Variants in RBBP7 observed in about 807,000 individuals in gnomAD.
RBBP7 encodes the protein histone-binding protein RBBP7.
RBBP7 carries 5 observed loss-of-function variants against 35.2 expected under a neutral mutation model. The ratio of observed to expected loss-of-function variants is 0.14; its 90% CI spans 0.07 to 0.30. RBBP7 has a LOEUF of 0.30. RBBP7 is among the 10% of genes least tolerant of loss of function. The probability of loss-of-function intolerance (pLI) is 1.00; values close to 1 mark genes in which losing one functional copy is unlikely to be tolerated. For missense variants in RBBP7, 155 were observed against 327.5 expected (o/e 0.47, Z 4.07); for synonymous variants, 140 against 118.7 (o/e 1.18, Z -1.17).
intron 9 of RBBP7, among the ~76,000 whole-genome samples, chrX:16,851,017 G>A (rs554328979): frequency 1.8e-5 from 2 of 109,529 alleles, no homozygotes; most frequent in Admixed American, 9.8e-5. Flanking sequence ...CCACCTCCTC[G>A]GGAAGCTGAG....
rs1371449521 is a variant in RBBP7 at position 16,852,570 on chromosome X, T to C, written c.944A>G (p.His315Arg). 1 of 1,207,134 alleles carries C rather than the reference T, an allele frequency of 8.3e-7. No individual in the cohort carries two copies. The highest frequency in any genetic ancestry group is 2.2e-5 in the Admixed American group (1 of 46,041). The change falls in exon 8 of 12, where the codon CAT (histidine) becomes CGT (arginine). Residue 315 changes from histidine (H) to arginine (R), a missense_variant. Physicochemically the swap from His to Arg is conservative, Grantham distance 29. Around this residue, in one of 3 missense-constraint regions of RBBP7, gnomAD observed 79 missense variants for 220.8 expected, o/e 0.36. Coordinates refer to ENST00000380087, the MANE Select transcript of RBBP7 (RefSeq NM_002893.4). ...ACATACCTGGAAAATTTCATCTTTA[T>C]GAGATTCGAAGGTATGGAGTTTTAA... ...LKLKLHTFES[H>R]KDEIFQVHWS...
chrX:16,869,952 C>T, intron 1 of RBBP7, 86 bp downstream of exon 1: 4 of 751,418 alleles, frequency 5.3e-6, no homozygotes, highest in Non-Finnish European at 6.3e-6. Flanking sequence ...CACGCCAATT[C>T]GCGCCTTTCG....
intron 2 of RBBP7, among the ~76,000 whole-genome samples, chrX:16,867,836 G>A (rs1401663835): frequency 9.5e-6 from 1 of 105,207 alleles, no homozygotes; most frequent in Admixed American, 1.0e-4. Flanking sequence ...ACGCTGCCAC[G>A]CCCGGTTTTT....
At chrX:16,864,502 G>A (rs1350441101) in intron 2 of RBBP7, among the ~76,000 whole-genome samples, 2 of 92,079 alleles carry the variant, frequency 2.2e-5, no homozygotes, top group African/African-American at 4.6e-5. Context: ...ACTCCAGCCT[G>A]GGCAACGAGT....
At chrX:16,864,542 A>AAAAAAAAAAAAAAAAAAAAAAAAAG (rs1569063331) in intron 2 of RBBP7, among the ~76,000 whole-genome samples, 5 of 40,723 alleles carry the variant, frequency 1.2e-4, no homozygotes, top group African/African-American at 5.3e-4. Flanking sequence ...AAAAAAAAAA[A>AAAAAAAAAAAAAAAAAAAAAAAAAG]AAAAAGAAAA....
chrX:16,857,684 A>G lies in RBBP7; in HGVS notation c.507T>C (p.Asp169=). Reference sequence around the variant, plus strand: ...CCTTCTGGTGACCTCTTAATCTGAGATCAGGATTACATTCTCCACTTGGGT... The same window carrying G: ...CCTTCTGGTGACCTCTTAATCTGAGGTCAGGATTACATTCTCCACTTGGGT... The part of the protein sequence containing the change: ...KPDPSGECNP[D]LRLRGHQKEG... The change falls in exon 5 of 12, where the codon GAT becomes GAC. Residue 169 remains aspartate (D), a synonymous_variant. Transcript: ENST00000380087. 2 of 1,198,268 alleles carry G rather than the reference A, an allele frequency of 1.7e-6. No homozygotes were observed. The highest frequency in any genetic ancestry group is 2.2e-6 in the Non-Finnish European group (2 of 891,810).
chrX:16,851,899 G>A, intron 9 of RBBP7, 147 bp downstream of exon 9: 1 of 438,152 alleles, frequency 2.3e-6, no homozygotes, highest in African/African-American at 2.4e-5. Context: ...CAGAACAAAG[G>A]CTCTTTAGGA....
chrX:16,869,439 G>A, intron 1 of RBBP7: 2 of 1,146,897 alleles, frequency 1.7e-6, no homozygotes, highest in East Asian at 3.3e-5. Flanking sequence ...ACACCATGTT[G>A]GGTAGTCAAT....
chrX:16,867,844 T>TC (rs1479864660), intron 2 of RBBP7, among the ~76,000 whole-genome samples: 38 of 107,553 alleles, frequency 3.5e-4, no homozygotes, highest in African/African-American at 1.3e-3. Context: ...ACGCCCGGTT[T>TC]TTTTTTTTTT....
chrX:16,855,502 C>CATGT (rs1480500323), intron 5 of RBBP7, among the ~76,000 whole-genome samples: 1 of 112,043 alleles, frequency 8.9e-6, no homozygotes, highest in African/African-American at 3.3e-5. Flanking sequence ...GAGAAAGGAA[C>CATGT]ATGTGGTGCT....
Position 16,858,734 on chromosome X carries a change from T to C in RBBP7, c.423A>G (p.Thr141=), listed in dbSNP as rs747840522. ...YMPQNPHIIA[T]KTPSSDVLVF... ...CCAACACATCAGAAGATGGTGTTTT[T>C]GTAGCAATGATGTGAGGATTCTGCG... The change falls in exon 4 of 12, where the codon ACA becomes ACG. Residue 141 remains threonine, a synonymous_variant. Coordinates refer to ENST00000380087, the MANE Select transcript of RBBP7 (RefSeq NM_002893.4). 4.8e-5 allele frequency: 58 copies of C among 1,210,111 alleles called. No individual in the cohort carries two copies. The highest frequency in any genetic ancestry group is 6.0e-5 in the Non-Finnish European group (54 of 895,387).
intron 1 of RBBP7, chrX:16,869,828 C>A (rs1369416504): frequency 5.3e-5 from 47 of 889,120 alleles, no homozygotes; most frequent in Non-Finnish European, 6.5e-5. Flanking sequence ...GCCCAGCCCT[C>A]GGCCCCGCGC....
intron 10 of RBBP7, 159 bp downstream of exon 10, chrX:16,849,085 G>T: frequency 2.6e-6 from 1 of 391,444 alleles, no homozygotes; most frequent in South Asian, 7.0e-5. Flanking sequence ...TACTATTTTT[G>T]ATAAATGTCA....
intron 9 of RBBP7, 51 bp downstream of exon 9, chrX:16,851,995 T>C: frequency 9.4e-7 from 1 of 1,061,471 alleles, no homozygotes; most frequent in Non-Finnish European, 1.3e-6. Flanking sequence ...ACTATGTAAC[T>C]TGCCAGATAG....
rs1371963765 is a variant in RBBP7, at chrX:16,870,131, C to G, written c.-78G>C. 17 of 1,020,003 alleles carry G rather than the reference C, an allele frequency of 1.7e-5. No homozygotes were observed. The highest frequency in any genetic ancestry group is 1.9e-5 in the Non-Finnish European group (15 of 791,348). The allele number at this position is 1,020,003 out of a possible 1,213,427, so 84.1% of individuals were successfully genotyped here. On this transcript the variant is annotated 5_prime_UTR_variant, in exon 1 of 12. Transcript: ENST00000380087. The stretch of plus-strand genomic sequence containing the variant: ...CAAGAGCAGCCCGACCGCTGGCGCT[C>G]CTGCCTTTCCCAAGCGCGTCACACT...
chrX:16,857,329 G>C (rs1220620331), intron 5 of RBBP7, among the ~76,000 whole-genome samples: 1 of 111,549 alleles, frequency 9.0e-6, no homozygotes, highest in African/African-American at 3.3e-5. Flanking sequence ...CCATTTTAAG[G>C]GCCTGGAGGG....
intron 9 of RBBP7, among the ~76,000 whole-genome samples, chrX:16,851,364 A>C (rs1221575745): frequency 8.9e-6 from 1 of 111,795 alleles, no homozygotes; most frequent in African/African-American, 3.3e-5. Flanking sequence ...TTTTTTGGTA[A>C]TTTTATGATT....
intron 3 of RBBP7, among the ~76,000 whole-genome samples, chrX:16,860,640 C>T (rs1435853640): frequency 9.8e-6 from 1 of 102,364 alleles, no homozygotes; most frequent in Non-Finnish European, 2.0e-5. Flanking sequence ...CACCACTGCA[C>T]TCCAGCCTGG....
At chrX:16,869,655 C>T (rs1930723170) in intron 1 of RBBP7, 4 of 1,105,791 alleles carry the variant, frequency 3.6e-6, no homozygotes, top group African/African-American at 1.9e-5. Context: ...CCTGAGGACC[C>T]CAGCAACCCC....
Sources: gnomAD v4.1 joint callset for allele counts (sites outside exome capture counted in the v4.1 genomes callset) on GRCh38, gnomAD v4.1.1 for gene constraint, gnomAD v4.1.1 regional missense constraint, MANE v1.5 for transcripts, NCBI Gene and HGNC (gene_info 2026-07-23, HGNC 2026-07-21) for gene names.